Variants in SMYD5 observed in about 807,000 individuals in gnomAD.
SMYD5 encodes SMYD family member 5.
A neutral mutation model predicts 57.4 loss-of-function variants in SMYD5; 35 were observed. The observed-to-expected ratio is 0.61, with a 90% CI of 0.47 to 0.81. The LOEUF is 0.81. SMYD5 is among the 30% of genes least tolerant of loss of function. The pLI, the probability that SMYD5 is intolerant of heterozygous loss-of-function variation, is 0.00. For synonymous variants in SMYD5, 198 were observed against 189.7 expected (o/e 1.04, Z -0.36); for missense variants, 471 against 527.9 (o/e 0.89, Z 1.06).
intron 7 of SMYD5, 31 bp downstream of exon 7, chr2:73,222,848 T>G: frequency 1.9e-6 from 3 of 1,599,992 alleles, no homozygotes; most frequent in South Asian, 1.1e-5. Context: ...ACCAGTGGCC[T>G]CCTTGTTACT....
rs188868827 is a variant in SMYD5, at chr2:73,226,267, C to T, written c.*321C>T. The T allele has an allele frequency of 5.9e-5, 20 of 338,128 alleles. No individual in the cohort carries two copies. The highest frequency in any genetic ancestry group is 4.6e-4 in the East Asian group (9 of 19,448). The allele number at this position is 338,128 out of a possible 1,614,324, so 20.9% of individuals were successfully genotyped here. On this transcript the variant is annotated 3_prime_UTR_variant, in exon 13 of 13. Transcript: ENST00000389501. Reference sequence around the variant, plus strand: ...AGGGCCTAACAGTGTTTCTTCCCCTCGGCCCCACGGCCCATACTCACCCCT... The same window carrying T: ...AGGGCCTAACAGTGTTTCTTCCCCTTGGCCCCACGGCCCATACTCACCCCT...
chr2:73,225,922 G>C lies in SMYD5; in HGVS notation c.1233G>C (p.Leu411=), dbSNP rs779067469. 1 of 1,614,042 alleles carries C rather than the reference G, an allele frequency of 6.2e-7. No individual in the cohort carries two copies. The highest frequency in any genetic ancestry group is 1.7e-5 in the Admixed American group (1 of 60,016). Residue 411 remains leucine, a synonymous_variant, in exon 13 of 13, where the codon CTG becomes CTC. Transcript: ENST00000389501. ...EEEGEPEDAE[L]GDEMTDV The stretch of plus-strand genomic sequence containing the variant: ...AAGGAGAGCCAGAAGATGCAGAGCT[G>C]GGGGATGAGATGACTGATGTGTGAT...
Position 73,220,142 on chromosome 2 carries a change from GCTGTGCA to G in SMYD5, c.304_310del (p.Thr102AlafsTer13). On this transcript the variant is annotated frameshift_variant, in exon 3 of 13. Transcript: ENST00000389501. LOFTEE classifies it high-confidence loss of function. ...CAGGCCAGGTTCTGCCTCACCCAGA[GCTGTGCA>G]CTGTGCGCAAAGACCTCCACCAGAA... 1 of 1,614,186 alleles carries G rather than the reference GCTGTGCA, an allele frequency of 6.2e-7. No homozygotes were observed. Among genetic ancestry groups the G allele is most frequent in the Non-Finnish European group, 8.5e-7 (1 of 1,180,036 alleles).
Position 73,221,852 on chromosome 2 carries a change from A to G in SMYD5, c.564A>G (p.Arg188=). The G allele has an allele frequency of 3.1e-6, 5 of 1,613,578 alleles. No homozygotes were observed. The East Asian group carries it at 1.1e-4, about 36-fold the overall frequency. Residue 188 remains arginine (R), a synonymous_variant, in exon 6 of 13, where the codon AGA becomes AGG. Transcript: ENST00000389501. ...KQAKDKDRWI[R]LFSQFCNKTA... ...CGAAGGACAAGGACCGTTGGATCAGACTCTTTTCCCAGTTTTGTAACAAAA... is the reference window on the plus strand; with the variant it reads ...CGAAGGACAAGGACCGTTGGATCAGGCTCTTTTCCCAGTTTTGTAACAAAA...
rs199578713 is a variant in SMYD5 at position 73,223,959 on chromosome 2, T to A, written c.896T>A (p.Phe299Tyr). The stretch of plus-strand genomic sequence containing the variant: ...TACTGTCTTACAGCAACTGGAGAGT[T>A]TCTTAACTGTGAAGGATCTGGCCTC... ...YKDIEAATGE[F>Y]LNCEGSGLFV... The change falls in exon 10 of 13, where the codon TTT becomes TAT. Residue 299 changes from phenylalanine to tyrosine, a missense_variant. Coordinates refer to ENST00000389501, the MANE Select transcript of SMYD5 (RefSeq NM_006062.3). 1 of 1,614,074 alleles carries A rather than the reference T, an allele frequency of 6.2e-7. No individual in the cohort carries two copies. The highest frequency in any genetic ancestry group is 2.2e-5 in the East Asian group (1 of 44,878).
At chr2:73,225,051 T>C (rs1347212035) in intron 11 of SMYD5, 91 bp downstream of exon 11, 3 of 923,574 alleles carry the variant, frequency 3.2e-6, no homozygotes, top group Non-Finnish European at 5.1e-6. Flanking sequence ...TAGAGCACCT[T>C]GAAGTTCAGG....
Position 73,221,895 on chromosome 2 carries a change from G to C in SMYD5, c.607G>C (p.Glu203Gln), listed in dbSNP as rs1205344678. The change falls in exon 6 of 13, where the codon GAA becomes CAA. Residue 203 changes from glutamate (E) to glutamine (Q), a missense_variant. Transcript: ENST00000389501. ...TAACAAAACAGCCAATGAAGAGGAG[G>C]AAATTGTCCATAAACTTCTGGGAGA... Reference protein sequence around the residue: ...FCNKTANEEEEIVHKLLGDKF... With the variant: ...FCNKTANEEEQIVHKLLGDKF... 1.2e-6 allele frequency: 2 copies of C among 1,613,484 alleles called. No homozygotes were observed. Among genetic ancestry groups the C allele is most frequent in the East Asian group, 4.5e-5 (2 of 44,880 alleles).
At position 73,224,967 on chromosome 2, in the gene SMYD5, G is replaced by A; in HGVS notation, c.1035+7G>A. 1 of 1,611,146 alleles carries A rather than the reference G, an allele frequency of 6.2e-7. No individual in the cohort carries two copies. Among genetic ancestry groups the A allele is most frequent in the Non-Finnish European group, 8.5e-7 (1 of 1,177,718 alleles). On this transcript the variant is annotated splice_region_variant and intron_variant, in intron 11 of 12. Transcript: ENST00000389501. Reference sequence around the variant, plus strand: ...GGATATTAAGCCAGGAGAGGTGAGGGGGACCAGGAACCGTCGGGATGGGTG... The same window carrying A: ...GGATATTAAGCCAGGAGAGGTGAGGAGGACCAGGAACCGTCGGGATGGGTG...
chr2:73,214,458 G>A (rs892238199), intron 1 of SMYD5, 96 bp downstream of exon 1: 1 of 1,587,606 alleles, frequency 6.3e-7, no homozygotes, highest in African/African-American at 1.3e-5. Flanking sequence ...AGGCTTCTGT[G>A]CCGCTCGGAC....
chr2:73,219,002 G>A (rs1180651971), intron 2 of SMYD5, 33 bp downstream of exon 2: 2 of 1,495,694 alleles, frequency 1.3e-6, no homozygotes, highest in African/African-American at 2.8e-5. Context: ...TCATGGCCCA[G>A]TCGTCTTTGT....
rs781373101 is a variant in SMYD5 at position 73,223,417 on chromosome 2, AC to A, written c.777-3del. 8 of 1,602,236 alleles carry A rather than the reference AC, an allele frequency of 5.0e-6. No individual in the cohort carries two copies. Among genetic ancestry groups the A allele is most frequent in the African/African-American group, 1.3e-5 (1 of 74,570 alleles). ...CCTCCCCAACCATGGGCTGCCTGGG[AC>A]CCCCCAGCTCCCTAAGCCAGTGGGT... On this transcript the variant is annotated splice_region_variant and splice_polypyrimidine_tract_variant and intron_variant, in intron 8 of 12. Coordinates refer to ENST00000389501, the MANE Select transcript of SMYD5 (RefSeq NM_006062.3).
At chr2:73,223,334 C>T (rs960342965) in intron 8 of SMYD5, 92 bp from the exon 9 acceptor site, 15 of 925,986 alleles carry the variant, frequency 1.6e-5, no homozygotes, top group Non-Finnish European at 2.5e-5. Context: ...GGATGGGAGA[C>T]CCTTCTTCCT....
chr2:73,223,577 C>G (rs1379567978), intron 9 of SMYD5, 45 bp downstream of exon 9: 1 of 1,301,172 alleles, frequency 7.7e-7, no homozygotes, highest in East Asian at 2.3e-5. Context: ...TGGCGACCCC[C>G]CCAGTCAGAT....
intron 9 of SMYD5, 111 bp from the exon 10 acceptor site, chr2:73,223,836 G>C: frequency 1.0e-6 from 1 of 974,236 alleles, no homozygotes; most frequent in Non-Finnish European, 1.7e-6. Flanking sequence ...TGATGCCTTA[G>C]TGTGGTGGGG....
At chr2:73,222,973 G>C in intron 7 of SMYD5, 63 bp from the exon 8 acceptor site, 1 of 1,539,416 alleles carries the variant, frequency 6.5e-7, no homozygotes, top group Admixed American at 1.7e-5. Context: ...CCCAAACAGA[G>C]AGTCCAATTG....
chr2:73,225,592 A>G (rs1238024906), intron 11 of SMYD5, 39 bp from the exon 12 acceptor site: 19 of 1,591,396 alleles, frequency 1.2e-5, no homozygotes, highest in Non-Finnish European at 1.6e-5. Flanking sequence ...GCCATTTAAA[A>G]GAGCACAGAC....
At chr2:73,214,481 C>T (rs1686253867) in intron 1 of SMYD5, 119 bp downstream of exon 1, 6 of 1,523,766 alleles carry the variant, frequency 3.9e-6, no homozygotes, top group African/African-American at 2.8e-5. Flanking sequence ...TACGGCCCTG[C>T]CCCTGCTCGC....
rs1443586455 is a variant in SMYD5 at position 73,220,778 on chromosome 2, T to A, written c.463T>A (p.Trp155Arg). The change falls in exon 4 of 13, where the codon TGG (tryptophan) becomes AGG (arginine). Residue 155 changes from tryptophan to arginine, a missense_variant. By Grantham distance (101) the Trp-to-Arg change is moderately radical. Transcript: ENST00000389501. ...LHPLNKLQEA[W>R]RSIHYPPETA... ...TCCTCTCAATAAGCTTCAGGAGGCA[T>A]GGAGGTAGGTTTCTTTTCCTCTCTT... 2 of 1,613,798 alleles carry A rather than the reference T, an allele frequency of 1.2e-6. No homozygotes were observed. The highest frequency in any genetic ancestry group is 8.5e-7 in the Non-Finnish European group (1 of 1,179,966).
intron 1 of SMYD5, 139 bp downstream of exon 1, chr2:73,214,501 G>T: frequency 1.3e-6 from 2 of 1,492,598 alleles, no homozygotes; most frequent in Admixed American, 2.4e-5. Flanking sequence ...CGGCCCGGGG[G>T]CTCCCAGTCT....
Sources: gnomAD v4.1 joint callset for allele counts on GRCh38, gnomAD v4.1.1 for gene constraint, MANE v1.5 for transcripts, NCBI Gene and HGNC (gene_info 2026-07-23, HGNC 2026-07-21) for gene names.